The following HDX variants were observed in gnomAD, a reference collection of about 807,000 sequenced individuals.
HDX encodes highly divergent homeobox.
A neutral mutation model predicts 45.2 loss-of-function variants in HDX; 19 were observed. The observed-to-expected ratio is 0.42, with a 90% CI of 0.29 to 0.62. The LOEUF is 0.62. Among genes scored for constraint, HDX ranks in the 20% least tolerant of loss-of-function variants. The pLI, the probability that HDX is intolerant of heterozygous loss-of-function variation, is 0.20. For synonymous variants in HDX, 188 were observed against 172.8 expected, an observed-to-expected ratio of 1.09 and a Z score of -0.69; for missense variants, 532 against 493.9, an observed-to-expected ratio of 1.08 and a Z score of -0.73.
intron 6 of HDX, among the ~76,000 whole-genome samples, chrX:84,360,274 AAAC>A (rs752873959): frequency 8.0e-5 from 9 of 111,813 alleles, no homozygotes; most frequent in Non-Finnish European, 1.5e-4. Context: ...AAAAGTCAAG[AAAC>A]AACAGATGCT....
rs769461653 is a variant in HDX, at chrX:84,483,310, C to T, written c.-1+4714G>A. Among the ~76,000 whole-genome samples, 306 of 112,355 alleles carry T rather than the reference C, an allele frequency of 2.7e-3. 1 individual carries two copies. Among genetic ancestry groups the T allele is most frequent in the African/African-American group, 9.6e-3 (297 of 30,996 alleles). Reference sequence around the variant, plus strand: ...CAGAGGTTCTCCATGAGGGCTCCACCCATGCAGCAAATGTCTGCAGGGACA... The same window carrying T: ...CAGAGGTTCTCCATGAGGGCTCCACTCATGCAGCAAATGTCTGCAGGGACA... On this transcript the variant is annotated intron_variant, in intron 2 of 10. Transcript: ENST00000373177.
Position 84,321,785 on chromosome X carries a change from G to T in HDX, c.*104C>A. 1 of 639,677 alleles carries T rather than the reference G, an allele frequency of 1.6e-6. No homozygotes were observed. Among genetic ancestry groups the T allele is most frequent in the Non-Finnish European group, 2.3e-6 (1 of 432,855 alleles). 52.7% of individuals were successfully genotyped at this position (639,677 alleles called of 1,213,427 possible). On this transcript the variant is annotated 3_prime_UTR_variant, in exon 11 of 11. Coordinates refer to ENST00000373177, the MANE Select transcript of HDX (RefSeq NM_001177479.2). ...CAGAATACGTCCGTTTCAACAATGT[G>T]TTTTCCCAACTAAAGAATACCAGGG...
At chrX:84,371,788 G>A (rs944066354) in intron 5 of HDX, among the ~76,000 whole-genome samples, 3 of 111,069 alleles carry the variant, frequency 2.7e-5, no homozygotes, top group Non-Finnish European at 5.7e-5. Flanking sequence ...AGAATTATTC[G>A]TTAATGAAAT....
intron 7 of HDX, among the ~76,000 whole-genome samples, chrX:84,340,089 G>A (rs2147790262): frequency 9.1e-6 from 1 of 110,029 alleles, no homozygotes; most frequent in South Asian, 3.9e-4. Context: ...ACAGGGAAAG[G>A]GAAAGGAAAT....
chrX:84,365,148 T>A (rs1365010428), intron 5 of HDX, among the ~76,000 whole-genome samples: 1 of 111,284 alleles, frequency 9.0e-6, no homozygotes, highest in Non-Finnish European at 1.9e-5. Flanking sequence ...ATGGTAATTC[T>A]ATTTTTAATT....
chrX:84,360,406 A>C (rs1254985688), intron 6 of HDX, among the ~76,000 whole-genome samples: 1 of 111,968 alleles, frequency 8.9e-6, no homozygotes, highest in Non-Finnish European at 1.9e-5. Context: ...ATTTTTAAAC[A>C]ATGTTATTGA....
At chrX:84,432,976 C>A (rs188035521) in intron 5 of HDX, among the ~76,000 whole-genome samples, 1 of 110,756 alleles carries the variant, frequency 9.0e-6, no homozygotes, top group East Asian at 2.9e-4. Flanking sequence ...ATTTTTTTGT[C>A]TTCTTTGAGA....
chrX:84,345,417 C>A (rs1261901803), intron 6 of HDX, among the ~76,000 whole-genome samples: 1 of 111,167 alleles, frequency 9.0e-6, no homozygotes, highest in Non-Finnish European at 1.9e-5. Context: ...TCAACTTTTT[C>A]AATTCAGCAT....
intron 4 of HDX, among the ~76,000 whole-genome samples, chrX:84,451,512 G>C (rs2039997198): frequency 9.2e-6 from 1 of 108,476 alleles, no homozygotes; most frequent in African/African-American, 3.4e-5. Context: ...AAAAATTACT[G>C]AGATTGAATC....
chrX:84,414,367 G>C (rs1225381638), intron 5 of HDX, among the ~76,000 whole-genome samples: 3 of 111,512 alleles, frequency 2.7e-5, no homozygotes, highest in Non-Finnish European at 3.8e-5. Flanking sequence ...TGACTGGCTG[G>C]ATCTTCAAGT....
intron 8 of HDX, among the ~76,000 whole-genome samples, chrX:84,335,985 A>G (rs1411149476): frequency 1.8e-5 from 2 of 110,615 alleles, no homozygotes; most frequent in Non-Finnish European, 3.8e-5. Flanking sequence ...CCCTAAAGTC[A>G]CAGCCCTTTT....
chrX:84,369,004 C>T (rs1306276627), intron 5 of HDX, among the ~76,000 whole-genome samples: 1 of 110,806 alleles, frequency 9.0e-6, no homozygotes, highest in African/African-American at 3.3e-5. Context: ...TTGCCTGCTG[C>T]TCACCTCCTG....
chrX:84,326,359 T>C (rs1156246065), intron 9 of HDX, 59 bp from the exon 10 acceptor site: 4 of 852,199 alleles, frequency 4.7e-6, no homozygotes, highest in Non-Finnish European at 6.7e-6. Flanking sequence ...ACTATACATG[T>C]TTGATGCACA....
chrX:84,412,544 A>G (rs2039012781), intron 5 of HDX, among the ~76,000 whole-genome samples: 1 of 111,499 alleles, frequency 9.0e-6, no homozygotes, highest in Non-Finnish European at 1.9e-5. Context: ...GTATGCTGTT[A>G]GTCTGGTTGA....
intron 1 of HDX, chrX:84,500,223 G>T (rs903985868): frequency 9.1e-6 from 1 of 110,385 alleles, no homozygotes; most frequent in African/African-American, 3.3e-5. Context: ...AGGGTCTCTT[G>T]CCTGACCAAC....
chrX:84,345,733 T>C (rs1324574417), intron 6 of HDX, among the ~76,000 whole-genome samples: 6 of 111,685 alleles, frequency 5.4e-5, no homozygotes, highest in African/African-American at 1.9e-4. Context: ...AACTGGGCCA[T>C]TTTACATTCT....
In HDX at chrX:84,386,226, C is replaced by T. The variant is rs1016248136; in HGVS notation, c.1306-24614G>A. Among the ~76,000 whole-genome samples the T allele has an allele frequency of 1.3e-4, 14 of 111,380 alleles. 1 individual carries two copies. Among genetic ancestry groups the T allele is most frequent in the Admixed American group, 1.2e-3 (13 of 10,500 alleles). Reference sequence around the variant, plus strand: ...GCCTACTTGTATTGTGGTAAATTAACTTTTGGATGTGCTGCTGGATTAGAT... The same window carrying T: ...GCCTACTTGTATTGTGGTAAATTAATTTTTGGATGTGCTGCTGGATTAGAT... On this transcript the variant is annotated intron_variant, in intron 5 of 10. Transcript: ENST00000373177.
intron 5 of HDX, among the ~76,000 whole-genome samples, chrX:84,426,322 T>C (rs1191706003): frequency 9.0e-6 from 1 of 110,507 alleles, no homozygotes; most frequent in Non-Finnish European, 1.9e-5. Flanking sequence ...GTTATATACT[T>C]AAAGGAAATG....
At chrX:84,406,537 C>A (rs562234528) in intron 5 of HDX, among the ~76,000 whole-genome samples, 20 of 7,336 alleles carry the variant, frequency 2.7e-3, no homozygotes, top group Admixed American at 6.1e-3. Context: ...CACACACACT[C>A]TATGTATCTA....
Sources: gnomAD v4.1 joint callset for allele counts (sites outside exome capture counted in the v4.1 genomes callset) on GRCh38, gnomAD v4.1.1 for gene constraint, MANE v1.5 for transcripts, NCBI Gene and HGNC (gene_info 2026-07-23, HGNC 2026-07-21) for gene names.